Variants in TLN2 observed in about 807,000 individuals in gnomAD.
TLN2 encodes the protein talin 2, also known as talin-2.
Under a neutral mutation model 294.7 loss-of-function variants are expected in TLN2, and 118 were observed. The observed-to-expected ratio is 0.40, with a 90% CI of 0.34 to 0.47. The LOEUF is 0.47. Ranked by LOEUF, TLN2 falls within the 20% of genes least tolerant of loss-of-function variation. The pLI, the probability that TLN2 is intolerant of heterozygous loss-of-function variation, is 0.84. For missense variants in TLN2, 3,083 were observed against 3,282.2 expected, an observed-to-expected ratio of 0.94 and a Z score of 1.48; for synonymous variants, 1,431 against 1,304.5, an observed-to-expected ratio of 1.10 and a Z score of -2.09.
chr15:62,762,498 G>T (rs532062573), intron 39 of TLN2, 45 bp downstream of exon 39: 2 of 1,601,374 alleles, frequency 1.2e-6, no homozygotes, highest in Admixed American at 3.3e-5. Context: ...CATCTCAGCG[G>T]GGAAGGAGGA....
Position 62,741,748 on chromosome 15 carries a change from C to CGCGCGCGCGCGCGTGTGTGTGTGT in TLN2, c.4025+980_4025+981insCGCGCGCGCGCGTGTGTGTGTGTG. On this transcript the variant is annotated intron_variant, in intron 32 of 58. Coordinates refer to ENST00000636159, the MANE Select transcript of TLN2 (RefSeq NM_015059.3). ...TTAACTTGGTTTTTTAAAATTTGCG[C>CGCGCGCGCGCGCGTGTGTGTGTGT]GTGTGTGTGTGTGTGTGTGTCTTTA... Among the ~76,000 whole-genome samples the CGCGCGCGCGCGCGTGTGTGTGTGT allele has an allele frequency of 6.7e-3, 873 of 131,158 alleles. 3 individuals are homozygous for CGCGCGCGCGCGCGTGTGTGTGTGT. Among genetic ancestry groups the CGCGCGCGCGCGCGTGTGTGTGTGT allele is most frequent in the Non-Finnish European group, 9.2e-3 (574 of 62,622 alleles). 86.0% of individuals were successfully genotyped at this position (131,158 alleles called of 152,430 possible).
At chr15:62,667,170 G>GTA (rs2054789270) in intron 9 of TLN2, among the ~76,000 whole-genome samples, 1 of 152,114 alleles carries the variant, frequency 6.6e-6, no homozygotes, top group Non-Finnish European at 1.5e-5. Context: ...GTTTCACCAT[G>GTA]TTAGCCAGGA....
intron 2 of TLN2, among the ~76,000 whole-genome samples, chr15:62,603,861 C>G (rs1314444945): frequency 6.6e-6 from 1 of 152,148 alleles, no homozygotes; most frequent in Non-Finnish European, 1.5e-5. Context: ...AGGCCAAAGG[C>G]TATGGATTTT....
rs568156682 is a variant in TLN2, at chr15:62,600,500, A to G, written c.-162+10738A>G. The stretch of plus-strand genomic sequence containing the variant: ...GTGTTTAAGGACCATGTTTTCAACA[A>G]TGGACTCACTCTCAGCATCAAGACA... On this transcript the variant is annotated intron_variant, in intron 2 of 58. Coordinates refer to ENST00000636159, the MANE Select transcript of TLN2 (RefSeq NM_015059.3). Among the ~76,000 whole-genome samples the G allele has an allele frequency of 3.9e-5, 6 of 152,256 alleles. No individual in the cohort carries two copies. In the East Asian group the frequency reaches 9.7e-4, roughly 25 times the overall value.
intron 43 of TLN2, among the ~76,000 whole-genome samples, chr15:62,780,386 T>C (rs1016172710): frequency 1.3e-5 from 2 of 152,204 alleles, no homozygotes; most frequent in African/African-American, 4.8e-5. Flanking sequence ...TGATTTTTAC[T>C]GTAACCATGT....
rs539182431 is a variant in TLN2 at position 62,692,602 on chromosome 15, A to C, written c.1114-238A>C. On this transcript the variant is annotated intron_variant, in intron 12 of 58. Transcript: ENST00000636159. ...GGATAGGAAAGAAGCCCAAGAACTC[A>C]ACCACATTGTGGTTTTGCAAGTTCT... 6.6e-5 allele frequency among the ~76,000 whole-genome samples: 10 copies of C among 152,312 alleles called. No individual in the cohort carries two copies. The South Asian group carries it at 1.0e-3, about 16-fold the overall frequency.
At chr15:62,661,836 T>C (rs1482459637) in intron 9 of TLN2, among the ~76,000 whole-genome samples, 1 of 152,054 alleles carries the variant, frequency 6.6e-6, no homozygotes, top group South Asian at 2.1e-4. Context: ...TTACACAAAA[T>C]AGACTGTAAG....
chr15:62,558,554 A>G (rs2042734669), intron 1 of TLN2, among the ~76,000 whole-genome samples: 1 of 152,212 alleles, frequency 6.6e-6, no homozygotes, highest in Non-Finnish European at 1.5e-5. Flanking sequence ...CAAAAGACAG[A>G]TTTAACAAGA....
intron 1 of TLN2, among the ~76,000 whole-genome samples, chr15:62,485,952 C>T (rs1489671481): frequency 4.0e-5 from 6 of 151,836 alleles, no homozygotes; most frequent in Admixed American, 1.3e-4. Context: ...TGGTGCAAAT[C>T]GAGTGTTTTG....
At chr15:62,772,099 C>T (rs578198615) in intron 42 of TLN2, among the ~76,000 whole-genome samples, 6 of 152,154 alleles carry the variant, frequency 3.9e-5, no homozygotes, top group African/African-American at 1.4e-4. Flanking sequence ...GGCTAGCCTG[C>T]TTGCTCATTT....
At chr15:62,444,720 A>G (rs961353257) in intron 1 of TLN2, among the ~76,000 whole-genome samples, 1 of 152,208 alleles carries the variant, frequency 6.6e-6, no homozygotes, top group Non-Finnish European at 1.5e-5. Context: ...ATGACTTACT[A>G]GAAAAAGGCA....
At chr15:62,800,841 G>GT (rs2065885568) in intron 50 of TLN2, 72 bp downstream of exon 50, 4 of 1,313,092 alleles carry the variant, frequency 3.0e-6, no homozygotes, top group African/African-American at 2.9e-5. Context: ...CTCATTTGAG[G>GT]TTTTTTACCA....
At chr15:62,410,196 C>T (rs2033687044) in intron 1 of TLN2, among the ~76,000 whole-genome samples, 1 of 151,710 alleles carries the variant, frequency 6.6e-6, no homozygotes, top group South Asian at 2.1e-4. Flanking sequence ...GAGCTGAGAT[C>T]ACGCCATTGC....
At position 62,771,070 on chromosome 15, in the gene TLN2, A is replaced by C. The variant is rs745369779; in HGVS notation, c.5303A>C (p.Lys1768Thr). The stretch of plus-strand genomic sequence containing the variant: ...CAGATGACGGTGCTGGACCAGACCA[A>C]GACTCTCGCAGAGTCTGCCTTGCAG... ...QQQMTVLDQTKTLAESALQML... is the reference protein window; with the variant it reads ...QQQMTVLDQTTTLAESALQML... Residue 1768 changes from lysine to threonine, a missense_variant, in exon 42 of 59, where the codon AAG becomes ACG. Transcript: ENST00000636159. 4 of 1,613,884 alleles carry C rather than the reference A, an allele frequency of 2.5e-6. No homozygotes were observed. The South Asian group carries it at 4.4e-5, about 18-fold the overall frequency.
intron 1 of TLN2, among the ~76,000 whole-genome samples, chr15:62,407,417 C>T (rs2033471606): frequency 6.6e-6 from 1 of 151,954 alleles, no homozygotes; most frequent in Non-Finnish European, 1.5e-5. Flanking sequence ...TTTGGGAGGC[C>T]CTGTCTGAAT....
intron 51 of TLN2, among the ~76,000 whole-genome samples, chr15:62,809,692 C>G (rs2066544012): frequency 6.6e-6 from 1 of 152,186 alleles, no homozygotes; most frequent in Non-Finnish European, 1.5e-5. Flanking sequence ...TGAGCTGTTT[C>G]TATCGTTTGG....
chr15:62,675,118 C>T, intron 10 of TLN2, 99 bp from the exon 11 acceptor site: 2 of 1,083,100 alleles, frequency 1.8e-6, no homozygotes, highest in East Asian at 2.5e-5. Context: ...ATGATCATTC[C>T]TAGCCATTTA....
At chr15:62,442,666 A>T (rs2035613996) in intron 1 of TLN2, among the ~76,000 whole-genome samples, 1 of 152,100 alleles carries the variant, frequency 6.6e-6, no homozygotes, top group South Asian at 2.1e-4. Context: ...ATAGAAAAAA[A>T]AAATTTGTTT....
intron 1 of TLN2, among the ~76,000 whole-genome samples, chr15:62,545,996 G>A (rs937628621): frequency 1.3e-5 from 2 of 152,140 alleles, no homozygotes; most frequent in African/African-American, 4.8e-5. Flanking sequence ...TGAAGCAGTA[G>A]AGCCAGAAAT....
Sources: gnomAD v4.1 joint callset for allele counts (sites outside exome capture counted in the v4.1 genomes callset) on GRCh38, gnomAD v4.1.1 for gene constraint, MANE v1.5 for transcripts, NCBI Gene and HGNC (gene_info 2026-07-23, HGNC 2026-07-21) for gene names.